NEGR1: variants seen among roughly 807,000 people sequenced by gnomAD.
The protein encoded by NEGR1 is neuronal growth regulator 1, also known as IgLON family member 4.
Under a neutral mutation model 40.9 loss-of-function variants are expected in NEGR1, and 10 were observed. That is an observed-to-expected ratio of 0.24 (90% confidence interval 0.15 to 0.42). The LOEUF is 0.42. Ranked by LOEUF, NEGR1 falls within the 10% of genes least tolerant of loss-of-function variation. The pLI, the probability that NEGR1 is intolerant of heterozygous loss-of-function variation, is 1.00. For synonymous variants in NEGR1, 185 were observed against 166.8 expected (o/e 1.11, Z -0.84); for missense variants, 352 against 438.9 (o/e 0.80, Z 1.77).
intron 6 of NEGR1, among the ~76,000 whole-genome samples, chr1:71,438,464 A>G (rs546442019): frequency 1.2e-4 from 19 of 152,200 alleles, no homozygotes; most frequent in Non-Finnish European, 2.4e-4. Context: ...CTAAACAAAC[A>G]TAATTGCCTT....
intron 1 of NEGR1, among the ~76,000 whole-genome samples, chr1:72,264,401 A>G (rs1005268353): frequency 6.6e-6 from 1 of 151,190 alleles, no homozygotes; most frequent in African/African-American, 2.4e-5. Context: ...TGAAAGAAAT[A>G]TGTTTAAATT....
chr1:72,137,398 T>C (rs1339343200), intron 1 of NEGR1, among the ~76,000 whole-genome samples: 2 of 152,070 alleles, frequency 1.3e-5, no homozygotes, highest in Admixed American at 6.6e-5. Flanking sequence ...ACATACACCA[T>C]GGAATACTAT....
intron 6 of NEGR1, among the ~76,000 whole-genome samples, chr1:71,550,229 C>A (rs576991587): frequency 2.7e-4 from 41 of 151,620 alleles, no homozygotes; most frequent in Non-Finnish European, 5.3e-4. Flanking sequence ...CATCTATGAT[C>A]ATTTCATTCT....
At position 71,864,031 on chromosome 1, in the gene NEGR1, A is replaced by T. The variant is rs143723221; in HGVS notation, c.409+71048T>A. Among the ~76,000 whole-genome samples, 356 of 152,330 alleles carry T rather than the reference A, an allele frequency of 2.3e-3. 1 individual carries two copies. The highest frequency in any genetic ancestry group is 8.0e-3 in the African/African-American group (334 of 41,584). ...CCCAAAGTCACACATCAGAATTCAT[A>T]TACTATGTCACATCTCTGTGACTAG... On this transcript the variant is annotated intron_variant, in intron 2 of 6. Coordinates refer to ENST00000357731, the MANE Select transcript of NEGR1 (RefSeq NM_173808.3).
At chr1:71,929,569 G>A (rs1267396855) in intron 2 of NEGR1, among the ~76,000 whole-genome samples, 2 of 152,080 alleles carry the variant, frequency 1.3e-5, no homozygotes, top group Non-Finnish European at 2.9e-5. Flanking sequence ...GACAATGACT[G>A]TTTCAACATC....
chr1:71,535,922 A>G (rs1306548778), intron 6 of NEGR1, among the ~76,000 whole-genome samples: 1 of 151,720 alleles, frequency 6.6e-6, no homozygotes, highest in African/African-American at 2.4e-5. Flanking sequence ...AACAGTTCCT[A>G]TTTTATAGGG....
chr1:71,769,069 A>C (rs1056458562), intron 3 of NEGR1, among the ~76,000 whole-genome samples: 2 of 68,530 alleles, frequency 2.9e-5, no homozygotes, highest in African/African-American at 6.3e-5. Flanking sequence ...TTTAACAATA[A>C]AACTTTTTTT....
chr1:71,665,421 C>T (rs963529132), intron 4 of NEGR1, among the ~76,000 whole-genome samples: 1 of 152,128 alleles, frequency 6.6e-6, no homozygotes, highest in Non-Finnish European at 1.5e-5. Context: ...TTCTATTAAG[C>T]CTGTGCCATA....
rs1428966446 is a variant in NEGR1, at chr1:71,690,648, A to AGAGAGAGAGAGAGG, written c.667+7359_667+7360insCCTCTCTCTCTCTC. Among the ~76,000 whole-genome samples, 186 of 149,626 alleles carry AGAGAGAGAGAGAGG rather than the reference A, an allele frequency of 1.2e-3. 1 individual carries two copies. The highest frequency in any genetic ancestry group is 2.0e-3 in the Non-Finnish European group (134 of 67,110). ...GAGAGAGAGAGAGAGAGAGAGAGAG[A>AGAGAGAGAGAGAGG]GAGAGAGAGAGAGAGAGATTGAGAT... On this transcript the variant is annotated intron_variant, in intron 4 of 6. Transcript: ENST00000357731.
intron 6 of NEGR1, among the ~76,000 whole-genome samples, chr1:71,457,669 A>G (rs1440951659): frequency 2.6e-5 from 4 of 152,170 alleles, no homozygotes; most frequent in Non-Finnish European, 5.9e-5. Context: ...TACAGCAACA[A>G]TGTGAAATAA....
chr1:72,111,030 G>T (rs1240721848), intron 1 of NEGR1, among the ~76,000 whole-genome samples: 1 of 150,752 alleles, frequency 6.6e-6, no homozygotes, highest in Non-Finnish European at 1.5e-5. Context: ...TATGGAGAAG[G>T]AGAAAAAGGT....
intron 1 of NEGR1, among the ~76,000 whole-genome samples, chr1:72,004,209 C>A (rs1038642617): frequency 2.0e-5 from 3 of 151,514 alleles, no homozygotes; most frequent in Admixed American, 2.0e-4. Context: ...CACACACATG[C>A]GTACATATAT....
intron 2 of NEGR1, among the ~76,000 whole-genome samples, chr1:71,908,107 C>T (rs1661327630): frequency 6.6e-6 from 1 of 150,840 alleles, no homozygotes. Context: ...CAGCATCACA[C>T]AATAAATCCT....
chr1:71,928,089 T>C lies in NEGR1; in HGVS notation c.409+6990A>G, dbSNP rs1388364905. ...ACACACATATGTACATATATGTATATATACACACATATGTATATATACACA... is the reference window on the plus strand; with the variant it reads ...ACACACATATGTACATATATGTATACATACACACATATGTATATATACACA... On this transcript the variant is annotated intron_variant, in intron 2 of 6. Transcript: ENST00000357731. Among the ~76,000 whole-genome samples, 82 of 116,000 alleles carry C rather than the reference T, an allele frequency of 7.1e-4. 5 individuals carry two copies. Among genetic ancestry groups the C allele is most frequent in the Non-Finnish European group, 8.2e-4 (46 of 56,040 alleles). The allele number at this position is 116,000 out of a possible 152,430, so 76.1% of individuals were successfully genotyped here.
At chr1:71,488,316 T>C (rs141052978) in intron 6 of NEGR1, among the ~76,000 whole-genome samples, 1 of 151,944 alleles carries the variant, frequency 6.6e-6, no homozygotes, top group East Asian at 1.9e-4. Flanking sequence ...AAGGATACAG[T>C]GTTCTGGGAG....
At chr1:72,076,937 T>C (rs116703600) in intron 1 of NEGR1, among the ~76,000 whole-genome samples, 2,064 of 142,784 alleles carry the variant, frequency 0.014, 53 homozygotes, top group African/African-American at 0.051. Flanking sequence ...GGTCTGTTGC[T>C]AGGCTGCAGT....
intron 1 of NEGR1, among the ~76,000 whole-genome samples, chr1:72,167,113 T>C (rs2630426): frequency 0.98 from 148,715 of 152,034 alleles, 72,754 homozygotes; most frequent in East Asian, 1. Context: ...GTATCCTTAG[T>C]TTCAGATGAG....
Position 72,078,284 on chromosome 1 carries a change from C to T in NEGR1, c.177-142973G>A, listed in dbSNP as rs557507014. Among the ~76,000 whole-genome samples the T allele has an allele frequency of 3.1e-3, 475 of 152,254 alleles. 1 individual carries two copies. The highest frequency in any genetic ancestry group is 5.0e-3 in the Non-Finnish European group (343 of 68,036). ...AAAAGCAGCTATAGCACCGTAATAT[C>T]TCAGTGAGTTCACCTTACTAAAAGG... On this transcript the variant is annotated intron_variant, in intron 1 of 6. Transcript: ENST00000357731.
In NEGR1 at chr1:71,668,114, G is replaced by A. The variant is rs187737818; in HGVS notation, c.667+29894C>T. Among the ~76,000 whole-genome samples, 19 of 152,062 alleles carry A rather than the reference G, an allele frequency of 1.2e-4. No homozygotes were observed. In the East Asian group the frequency reaches 3.1e-3, roughly 25 times the overall value. On this transcript the variant is annotated intron_variant, in intron 4 of 6. Transcript: ENST00000357731. ...ACAGTTGAAACCATTATTTTCATTG[G>A]GTTTAACTAAATATTTTCCTGATAG...
Sources: allele counts gnomAD v4.1 joint callset (sites outside exome capture counted in the v4.1 genomes callset), GRCh38; gene constraint gnomAD v4.1.1; transcripts MANE v1.5; gene names NCBI Gene and HGNC (gene_info 2026-07-23, HGNC 2026-07-21).